Variants in SPAG16 observed in about 807,000 individuals in gnomAD.
The protein encoded by SPAG16 is sperm associated antigen 16, also known as sperm-associated antigen 16 protein.
Under a neutral mutation model 80.4 loss-of-function variants are expected in SPAG16, and 86 were observed. The observed-to-expected ratio is 1.07, with a 90% confidence interval of 0.90 to 1.28. The LOEUF is 1.28. SPAG16 is among the 50% of genes most tolerant of loss of function. The pLI, the probability that SPAG16 is intolerant of heterozygous loss-of-function variation, is 0.00. For synonymous variants in SPAG16, 294 were observed against 265.9 expected (o/e 1.11, Z -1.03); for missense variants, 870 against 765.3 (o/e 1.14, Z -1.61).
At chr2:213,536,787 C>G (rs921971797) in intron 10 of SPAG16, among the ~76,000 whole-genome samples, 1 of 152,078 alleles carries the variant, frequency 6.6e-6, no homozygotes, top group Non-Finnish European at 1.5e-5. Context: ...GTTGCCTGTT[C>G]ACTCTGATGG....
chr2:214,129,626 T>C (rs2054662236), intron 14 of SPAG16, among the ~76,000 whole-genome samples: 1 of 152,132 alleles, frequency 6.6e-6, no homozygotes, highest in African/African-American at 2.4e-5. Flanking sequence ...AAGTTGGCAG[T>C]ATGTTTGAAG....
chr2:214,166,247 T>C (rs921934103), intron 15 of SPAG16, among the ~76,000 whole-genome samples: 2 of 152,146 alleles, frequency 1.3e-5, no homozygotes, highest in African/African-American at 4.8e-5. Flanking sequence ...CATTCTCCAT[T>C]GGCCCCATTC....
intron 15 of SPAG16, among the ~76,000 whole-genome samples, chr2:214,213,919 T>C (rs1470783510): frequency 2.6e-5 from 4 of 152,080 alleles, no homozygotes; most frequent in Non-Finnish European, 5.9e-5. Context: ...ATGAGTGTGA[T>C]CTGTTTATAA....
chr2:214,235,848 A>T (rs1311831915), intron 15 of SPAG16, among the ~76,000 whole-genome samples: 1 of 152,224 alleles, frequency 6.6e-6, no homozygotes, highest in African/African-American at 2.4e-5. Flanking sequence ...CTATGACAAC[A>T]GTACAATATA....
intron 11 of SPAG16, chr2:213,923,871 A>C (rs1434564471): frequency 6.6e-6 from 1 of 152,366 alleles, no homozygotes; most frequent in South Asian, 2.1e-4. Context: ...GTTGTTGCCC[A>C]CCTGGCTGTC....
In SPAG16 at chr2:213,470,441, C is replaced by T. The variant is rs140326504; in HGVS notation, c.943-19522C>T. ...TGGGCAGGATACACAAACCCATATCCGGAGTAAGTGTGTATTCCACTGGGC... is the reference window on the plus strand; with the variant it reads ...TGGGCAGGATACACAAACCCATATCTGGAGTAAGTGTGTATTCCACTGGGC... On this transcript the variant is annotated intron_variant, in intron 9 of 15. Transcript: ENST00000331683. Among the ~76,000 whole-genome samples, 874 of 152,272 alleles carry T rather than the reference C, an allele frequency of 5.7e-3. 1 individual carries two copies. Among genetic ancestry groups the T allele is most frequent in the Middle Eastern group, 0.017 (5 of 294 alleles).
At chr2:213,591,427 C>T (rs538120115) in intron 10 of SPAG16, among the ~76,000 whole-genome samples, 40 of 152,070 alleles carry the variant, frequency 2.6e-4, no homozygotes, top group African/African-American at 9.2e-4. Context: ...ACAATGCCTC[C>T]AAGATAGTAA....
intron 10 of SPAG16, among the ~76,000 whole-genome samples, chr2:213,667,625 G>T (rs1201354861): frequency 2.6e-5 from 4 of 152,164 alleles, no homozygotes; most frequent in African/African-American, 9.6e-5. Context: ...TTCTGATTTA[G>T]CAAGGACATA....
chr2:214,357,731 G>A (rs532068861), intron 15 of SPAG16, among the ~76,000 whole-genome samples: 1 of 151,826 alleles, frequency 6.6e-6, no homozygotes, highest in East Asian at 1.9e-4. Flanking sequence ...TCTCCTTCAT[G>A]TGGCTTGTTA....
intron 8 of SPAG16, among the ~76,000 whole-genome samples, chr2:213,368,981 A>G (rs1210786401): frequency 6.6e-6 from 1 of 152,228 alleles, no homozygotes; most frequent in East Asian, 1.9e-4. Flanking sequence ...GATAATGGCC[A>G]TACTGCGCGA....
intron 15 of SPAG16, among the ~76,000 whole-genome samples, chr2:214,164,583 C>A (rs1011129408): frequency 3.9e-5 from 6 of 152,078 alleles, no homozygotes; most frequent in Admixed American, 3.3e-4. Context: ...ACTGTGGCAC[C>A]AACGCTGGTC....
At chr2:213,843,405 C>A (rs1358792886) in intron 10 of SPAG16, among the ~76,000 whole-genome samples, 1 of 152,150 alleles carries the variant, frequency 6.6e-6, no homozygotes, top group Non-Finnish European at 1.5e-5. Context: ...ATAAAAGAAG[C>A]AGCTAACCCA....
chr2:213,697,357 G>A (rs1266373115), intron 10 of SPAG16, among the ~76,000 whole-genome samples: 1 of 152,176 alleles, frequency 6.6e-6, no homozygotes, highest in African/African-American at 2.4e-5. Context: ...TCATGGTCAT[G>A]TATTTAGAGT....
chr2:213,947,329 G>A (rs2106310337), intron 12 of SPAG16, among the ~76,000 whole-genome samples: 1 of 152,202 alleles, frequency 6.6e-6, no homozygotes, highest in Non-Finnish European at 1.5e-5. Context: ...GAGAAATCCA[G>A]TTTCTCTGCA....
intron 11 of SPAG16, among the ~76,000 whole-genome samples, chr2:213,909,029 T>C (rs958377610): frequency 2.6e-5 from 4 of 152,066 alleles, no homozygotes; most frequent in African/African-American, 9.6e-5. Context: ...GCGGTGTTTG[T>C]TTTTTTATCC....
In SPAG16 at chr2:214,012,289, T is replaced by TATATATA. The variant is rs71034604; in HGVS notation, c.1401-1662_1401-1661insATATATA. ...ATATATATATATATATATATATATA[T>TATATATA]TTTTTTTTTTTTTTTTTTTTCCTCG... On this transcript the variant is annotated intron_variant, in intron 12 of 15. Transcript: ENST00000331683. 8.4e-4 allele frequency among the ~76,000 whole-genome samples: 22 copies of TATATATA among 26,062 alleles called. 1 individual carries two copies. Among genetic ancestry groups the TATATATA allele is most frequent in the Admixed American group, 1.8e-3 (3 of 1,652 alleles). 17.1% of individuals were successfully genotyped at this position (26,062 alleles called of 152,430 possible).
At chr2:213,660,125 A>C (rs550448307) in intron 10 of SPAG16, among the ~76,000 whole-genome samples, 1 of 152,352 alleles carries the variant, frequency 6.6e-6, no homozygotes, top group South Asian at 2.1e-4. Context: ...GCTTTCACAT[A>C]TAACACAGCA....
chr2:213,466,684 G>C (rs561685676), intron 9 of SPAG16, among the ~76,000 whole-genome samples: 21 of 152,324 alleles, frequency 1.4e-4, no homozygotes, highest in Admixed American at 5.9e-4. Flanking sequence ...TATGTCCTCT[G>C]TTACCCTGAA....
intron 15 of SPAG16, among the ~76,000 whole-genome samples, chr2:214,177,889 A>T (rs1213639806): frequency 9.2e-6 from 1 of 108,190 alleles, no homozygotes; most frequent in East Asian, 3.1e-4. Flanking sequence ...AAAAAGCAGA[A>T]TATATATATA....
Sources: allele counts gnomAD v4.1 joint callset (sites outside exome capture counted in the v4.1 genomes callset), GRCh38; gene constraint gnomAD v4.1.1; transcripts MANE v1.5; gene names NCBI Gene and HGNC (gene_info 2026-07-23, HGNC 2026-07-21).